PLA2R1: variants seen among roughly 807,000 people sequenced by gnomAD.
The protein encoded by PLA2R1 is phospholipase A2 receptor 1.
In PLA2R1, 158 loss-of-function variants were observed where a neutral mutation model predicts 195.9. That is an observed-to-expected ratio of 0.81 (90% CI 0.71 to 0.92). The LOEUF (loss-of-function observed/expected upper bound fraction) is 0.92. Among genes scored for constraint, PLA2R1 ranks in the 40% least tolerant of loss-of-function variants. PLA2R1 has a pLI of 0.00. For synonymous variants in PLA2R1, 586 were observed against 598.2 expected, an observed-to-expected ratio of 0.98 and a Z score of 0.30; for missense variants, 1,626 against 1,764.6, an observed-to-expected ratio of 0.92 and a Z score of 1.41.
intron 23 of PLA2R1, among the ~76,000 whole-genome samples, chr2:159,951,863 TG>T (rs1433615636): frequency 2.6e-5 from 4 of 152,238 alleles, no homozygotes; most frequent in Non-Finnish European, 5.9e-5. Flanking sequence ...GACTGCTTTT[TG>T]GTGGAACTGA....
chr2:159,965,010 G>A (rs1688693098), intron 20 of PLA2R1, among the ~76,000 whole-genome samples: 1 of 152,094 alleles, frequency 6.6e-6, no homozygotes, highest in Admixed American at 6.6e-5. Context: ...CTGAGTGACA[G>A]ACTGAGAGTC....
At chr2:159,970,999 G>A (rs952583407) in intron 17 of PLA2R1, among the ~76,000 whole-genome samples, 2 of 151,984 alleles carry the variant, frequency 1.3e-5, no homozygotes, top group Admixed American at 6.6e-5. Context: ...AATACCTAAC[G>A]TAGATGACAG....
At chr2:160,041,808 T>A (rs1033772690) in intron 3 of PLA2R1, among the ~76,000 whole-genome samples, 16 of 152,228 alleles carry the variant, frequency 1.1e-4, no homozygotes, top group Non-Finnish European at 1.8e-4. Flanking sequence ...GAAGAATGGC[T>A]AATTAACATC....
downstream of PLA2R1, among the ~76,000 whole-genome samples, chr2:159,928,533 C>A (rs1686531049): frequency 6.6e-6 from 1 of 152,144 alleles, no homozygotes; most frequent in South Asian, 2.1e-4. Flanking sequence ...GGAACACATA[C>A]CATGTTCATG....
At chr2:160,047,122 TAGACGACCTGGCTAGTGGTTG>T (rs995509708) in intron 1 of PLA2R1, among the ~76,000 whole-genome samples, 1 of 152,214 alleles carries the variant, frequency 6.6e-6, no homozygotes, top group Non-Finnish European at 1.5e-5. Context: ...GATAGGTGTG[TAGACGACCTGGCTAGTGGTTG>T]AGAGCTCTGG....
At chr2:160,058,097 T>C (rs1221474720) in intron 1 of PLA2R1, among the ~76,000 whole-genome samples, 1 of 151,880 alleles carries the variant, frequency 6.6e-6, no homozygotes, top group Non-Finnish European at 1.5e-5. Context: ...TACCATGCTT[T>C]CTAGAATCAC....
chr2:160,013,721 C>CTGTGTGTG (rs71000325), intron 9 of PLA2R1, among the ~76,000 whole-genome samples: 9 of 116,568 alleles, frequency 7.7e-5, no homozygotes, highest in African/African-American at 1.6e-4. Flanking sequence ...CTCTCTCTCT[C>CTGTGTGTG]TGTGTGTGTG....
Position 160,053,741 on chromosome 2 carries a change from T to C in PLA2R1, c.109+8554A>G, listed in dbSNP as rs147464669. Among the ~76,000 whole-genome samples, 28 of 152,298 alleles carry C rather than the reference T, an allele frequency of 1.8e-4. No individual in the cohort carries two copies. In the East Asian group the frequency reaches 5.0e-3, roughly 27 times the overall value. On this transcript the variant is annotated intron_variant, in intron 1 of 29. Transcript: ENST00000283243. ...TGTGTGCAGCAGGCAGCATCAATTG[T>C]AGGGCAGGAGTTGGGAGGAGGCAGC...
intron 26 of PLA2R1, 92 bp from the exon 27 acceptor site, chr2:159,947,009 G>C: frequency 1.2e-6 from 1 of 830,260 alleles, no homozygotes; most frequent in Non-Finnish European, 1.9e-6. Context: ...GTAAAGCTCA[G>C]GTTTTGAAAA....
intron 8 of PLA2R1, among the ~76,000 whole-genome samples, chr2:160,018,223 C>G (rs139283776): frequency 1.3e-5 from 2 of 152,036 alleles, no homozygotes; most frequent in Admixed American, 1.3e-4. Context: ...AAAAAAAAAT[C>G]TCTGTCCAAA....
intron 10 of PLA2R1, among the ~76,000 whole-genome samples, chr2:160,009,781 G>A (rs939495258): frequency 1.3e-5 from 2 of 152,144 alleles, no homozygotes; most frequent in African/African-American, 4.8e-5. Flanking sequence ...GCAGGAAAAC[G>A]GTAGAGCTGT....
intron 20 of PLA2R1, among the ~76,000 whole-genome samples, chr2:159,964,210 A>G (rs1166957128): frequency 6.6e-6 from 1 of 152,210 alleles, no homozygotes. Context: ...GGGATAGAGA[A>G]TAGATTAGAG....
At chr2:159,967,069 C>G (rs111238237) in intron 20 of PLA2R1, among the ~76,000 whole-genome samples, 3 of 152,152 alleles carry the variant, frequency 2.0e-5, no homozygotes, top group African/African-American at 7.2e-5. Flanking sequence ...CGGCTCCAGG[C>G]AGGGAAAACA....
chr2:160,030,993 T>C (rs1693817178), intron 4 of PLA2R1, among the ~76,000 whole-genome samples: 1 of 152,232 alleles, frequency 6.6e-6, no homozygotes, highest in Non-Finnish European at 1.5e-5. Flanking sequence ...AAATGGCATG[T>C]AAACTTTTAT....
chr2:160,049,797 G>C (rs1365805646), intron 1 of PLA2R1, among the ~76,000 whole-genome samples: 1 of 152,182 alleles, frequency 6.6e-6, no homozygotes, highest in Non-Finnish European at 1.5e-5. Flanking sequence ...CTGCACTCCA[G>C]CCTGGGGGAC....
intron 11 of PLA2R1, among the ~76,000 whole-genome samples, chr2:160,000,808 C>T (rs978294480): frequency 1.3e-5 from 2 of 151,974 alleles, no homozygotes; most frequent in African/African-American, 4.8e-5. Flanking sequence ...TTAGATCTGG[C>T]TGAAGAGAGA....
At chr2:159,924,738 G>A in the PLA2R1 span, among the ~76,000 whole-genome samples, 3 of 142,060 alleles carry the variant, frequency 2.1e-5, no homozygotes, top group Non-Finnish European at 3.0e-5. Flanking sequence ...CTGGGGGGGG[G>A]GCGGTGCGAA....
At chr2:159,925,964 G>A in the PLA2R1 span, among the ~76,000 whole-genome samples, 2 of 152,188 alleles carry the variant, frequency 1.3e-5, no homozygotes, top group Non-Finnish European at 2.9e-5. Flanking sequence ...GACCTTTTTG[G>A]TGGGGGGAGG....
downstream of PLA2R1, among the ~76,000 whole-genome samples, chr2:159,930,147 G>A (rs1030241640): frequency 6.6e-5 from 10 of 152,260 alleles, no homozygotes; most frequent in African/African-American, 2.2e-4. Context: ...GGTGGCTCAC[G>A]CCGGTAATCC....
Sources: allele counts gnomAD v4.1 joint callset (sites outside exome capture counted in the v4.1 genomes callset), GRCh38; gene constraint gnomAD v4.1.1; transcripts MANE v1.5; gene names NCBI Gene and HGNC (gene_info 2026-07-23, HGNC 2026-07-21).